TAF12: variants seen among roughly 807,000 people sequenced by gnomAD.
The protein encoded by TAF12 is TATA-box binding protein associated factor 12.
Under a neutral mutation model 20.8 loss-of-function variants are expected in TAF12, and 3 were observed. The observed-to-expected ratio is 0.14, with a 90% confidence interval of 0.07 to 0.37. TAF12 has a LOEUF of 0.37. TAF12 is among the 10% of genes least tolerant of loss of function. The probability of loss-of-function intolerance (pLI) is 1.00; values close to 1 mark genes in which losing one functional copy is unlikely to be tolerated. For missense variants in TAF12, 131 were observed against 197.9 expected, an observed-to-expected ratio of 0.66 and a Z score of 2.03; for synonymous variants, 69 against 70.2, an observed-to-expected ratio of 0.98 and a Z score of 0.09.
intron 1 of TAF12, among the ~76,000 whole-genome samples, chr1:28,623,365 C>T (rs1245653935): frequency 6.6e-6 from 1 of 151,818 alleles, no homozygotes; most frequent in Non-Finnish European, 1.5e-5. Flanking sequence ...CTACTAAAAA[C>T]ACAAAATTAG....
chr1:28,604,113 C>T (rs749701413), intron 5 of TAF12, among the ~76,000 whole-genome samples: 7 of 152,070 alleles, frequency 4.6e-5, no homozygotes, highest in African/African-American at 1.2e-4. Flanking sequence ...CTACATTGGC[C>T]GGGCTGGTGT....
Position 28,626,990 on chromosome 1 carries a change from A to T in TAF12, c.-84-4825T>A, listed in dbSNP as rs149468334. ...CATAGTACCAAATATGAATATTCAC[A>T]TATCAAATTAGGATTTTTTTTTCTT... On this transcript the variant is annotated intron_variant, in intron 1 of 5. Coordinates refer to ENST00000373824, the MANE Select transcript of TAF12 (RefSeq NM_005644.4). Among the ~76,000 whole-genome samples the T allele has an allele frequency of 2.1e-4, 32 of 152,306 alleles. No individual in the cohort carries two copies. In the East Asian group the frequency reaches 2.5e-3, roughly 12 times the overall value.
In TAF12 at chr1:28,633,164, C is replaced by CTT. The variant is rs769194043; in HGVS notation, c.-85+9826_-85+9827dup. Among the ~76,000 whole-genome samples the CTT allele has an allele frequency of 5.1e-3, 596 of 117,536 alleles. 4 individuals carry two copies. Among genetic ancestry groups the CTT allele is most frequent in the African/African-American group, 0.017 (547 of 31,682 alleles). The allele number at this position is 117,536 out of a possible 152,430, so 77.1% of individuals were successfully genotyped here. On this transcript the variant is annotated intron_variant, in intron 1 of 5. Transcript: ENST00000373824. ...GGCATGCACCTCCAAGCCCGGCCTA[C>CTT]TTTTTTTTTTTTTTTTTTTTGAGAC...
Position 28,608,496 on chromosome 1 carries a change from G to A in TAF12, c.362-3036C>T, listed in dbSNP as rs980674934. Among the ~76,000 whole-genome samples, 15 of 152,254 alleles carry A rather than the reference G, an allele frequency of 9.9e-5. No homozygotes were observed. In the South Asian group the frequency reaches 2.3e-3, roughly 23 times the overall value. Reference sequence around the variant, plus strand: ...AGGCCGGGTGTGGTGGCTCACGGCTGCAATCCCAGCACTTTGGGAGGCCAA... The same window carrying A: ...AGGCCGGGTGTGGTGGCTCACGGCTACAATCCCAGCACTTTGGGAGGCCAA... On this transcript the variant is annotated intron_variant, in intron 4 of 5. Transcript: ENST00000373824.
intron 3 of TAF12, among the ~76,000 whole-genome samples, chr1:28,615,678 CAAAAAAAAAAAAAAAA>C (rs57536422): frequency 9.9e-4 from 34 of 34,496 alleles, no homozygotes; most frequent in African/African-American, 3.4e-3. Context: ...GACTCCGTCT[CAAAAAAAAAAAAAAAA>C]AAAAAAAAAA....
At chr1:28,619,415 G>A (rs1667137483) in intron 2 of TAF12, among the ~76,000 whole-genome samples, 2 of 146,360 alleles carry the variant, frequency 1.4e-5, no homozygotes. Context: ...GGAGAATGGC[G>A]TGAACCCGGG....
upstream of TAF12, chr1:28,648,099 G>C: frequency 1.1e-6 from 1 of 934,412 alleles, no homozygotes; most frequent in Non-Finnish European, 1.3e-6. Flanking sequence ...TGCTTCCACT[G>C]CACGCCTGCC....
chr1:28,626,786 T>C (rs1667413735), intron 1 of TAF12, among the ~76,000 whole-genome samples: 1 of 151,764 alleles, frequency 6.6e-6, no homozygotes, highest in East Asian at 2.0e-4. Flanking sequence ...GGCAGGTGCC[T>C]GTAATCCCAG....
intron 3 of TAF12, among the ~76,000 whole-genome samples, chr1:28,614,108 C>T (rs1666952975): frequency 6.6e-6 from 1 of 151,504 alleles, no homozygotes; most frequent in African/African-American, 2.4e-5. Flanking sequence ...CGTGGTGGCA[C>T]GTGCCTGTAG....
At chr1:28,604,416 C>A (rs1666598324) in intron 5 of TAF12, among the ~76,000 whole-genome samples, 1 of 152,196 alleles carries the variant, frequency 6.6e-6, no homozygotes, top group South Asian at 2.1e-4. Flanking sequence ...GATCTGAATT[C>A]TTTTACTATT....
chr1:28,636,366 A>T (rs1037042823), intron 1 of TAF12, among the ~76,000 whole-genome samples: 7 of 152,074 alleles, frequency 4.6e-5, no homozygotes, highest in African/African-American at 1.7e-4. Context: ...TGTATAGTAC[A>T]GTGGTCAAGG....
chr1:28,637,653 A>C (rs1374192357), intron 1 of TAF12, among the ~76,000 whole-genome samples: 1 of 152,056 alleles, frequency 6.6e-6, no homozygotes, highest in Non-Finnish European at 1.5e-5. Context: ...CGACAGAGCA[A>C]GACTCCGTCT....
At chr1:28,628,222 AGGGGGTGGG>A (rs1438816098) in intron 1 of TAF12, among the ~76,000 whole-genome samples, 3 of 3,102 alleles carry the variant, frequency 9.7e-4, no homozygotes, top group African/African-American at 4.6e-3. Context: ...GACACGGTGC[AGGGGGTGGG>A]GGGGGGGGGG....
At chr1:28,632,802 A>G (rs1189445851) in intron 1 of TAF12, among the ~76,000 whole-genome samples, 1 of 152,034 alleles carries the variant, frequency 6.6e-6, no homozygotes, top group Non-Finnish European at 1.5e-5. Context: ...ATGACAGTAT[A>G]TATTTGTCAT....
rs891579317 is a variant in TAF12, at chr1:28,643,038, G to A, written c.-131C>T. The A allele has an allele frequency of 7.2e-5, 71 of 985,778 alleles. No individual in the cohort carries two copies. The highest frequency in any genetic ancestry group is 1.1e-4 in the East Asian group (1 of 8,828). 61.1% of individuals were successfully genotyped at this position (985,778 alleles called of 1,614,324 possible). ...CATGATATGCAGAGACTGCCCCAGT[G>A]AAGCGTTCGTCTCAGCAGCCGGTCC... On this transcript the variant is annotated 5_prime_UTR_variant, in exon 1 of 6. Coordinates refer to ENST00000373824, the MANE Select transcript of TAF12 (RefSeq NM_005644.4).
At chr1:28,609,038 T>C (rs1215884190) in intron 4 of TAF12, among the ~76,000 whole-genome samples, 1 of 152,236 alleles carries the variant, frequency 6.6e-6, no homozygotes, top group Admixed American at 6.6e-5. Context: ...TATACCTATA[T>C]GCGTTATGTG....
chr1:28,634,563 C>T (rs77925552), intron 1 of TAF12, among the ~76,000 whole-genome samples: 1 of 152,196 alleles, frequency 6.6e-6, no homozygotes, highest in Non-Finnish European at 1.5e-5. Flanking sequence ...AGTCCACCCC[C>T]CAGTGATTGG....
chr1:28,633,894 G>C (rs985654377), intron 1 of TAF12, among the ~76,000 whole-genome samples: 2 of 121,714 alleles, frequency 1.6e-5, no homozygotes, highest in East Asian at 5.1e-4. Context: ...CCTGGGCAAT[G>C]AAAGCGAAAC....
At position 28,622,360 on chromosome 1, in the gene TAF12, GA is replaced by G. The variant is rs1033224931; in HGVS notation, c.-84-196del. On this transcript the variant is annotated intron_variant, in intron 1 of 5. Coordinates refer to ENST00000373824, the MANE Select transcript of TAF12 (RefSeq NM_005644.4). The stretch of plus-strand genomic sequence containing the variant: ...CATAGCGAGACCTAGTCTCTACCAA[GA>G]AAAAAAAAAAAAAAAAAAAGTAAGT... 5.6e-3 allele frequency among the ~76,000 whole-genome samples: 433 copies of G among 78,004 alleles called. 1 individual carries two copies. Among genetic ancestry groups the G allele is most frequent in the Non-Finnish European group, 5.9e-3 (222 of 37,882 alleles). 51.2% of individuals were successfully genotyped at this position (78,004 alleles called of 152,430 possible). A position where few individuals can be genotyped will look rare whatever the true frequency, so the allele number is the denominator to read the frequency against.
Sources: allele counts gnomAD v4.1 joint callset (sites outside exome capture counted in the v4.1 genomes callset), GRCh38; gene constraint gnomAD v4.1.1; transcripts MANE v1.5; gene names NCBI Gene and HGNC (gene_info 2026-07-23, HGNC 2026-07-21).